Variants in CRB1 observed in about 807,000 individuals in gnomAD.
CRB1 encodes the protein crumbs cell polarity complex component 1, also known as protein crumbs homolog 1.
Under a neutral mutation model 120.0 loss-of-function variants are expected in CRB1, and 83 were observed. The ratio of observed to expected loss-of-function variants is 0.69; its 90% CI spans 0.58 to 0.83. The LOEUF (loss-of-function observed/expected upper bound fraction) is 0.83, where lower values mean the gene tolerates loss of function less well. Among genes scored for constraint, CRB1 ranks in the 40% least tolerant of loss-of-function variants. The pLI is 0.00. For missense variants in CRB1, 1,699 were observed against 1,687.6 expected, an observed-to-expected ratio of 1.01 and a Z score of -0.12; for synonymous variants, 625 against 612.5, an observed-to-expected ratio of 1.02 and a Z score of -0.30.
chr1:197,252,265 AT>A, the CRB1 span, among the ~76,000 whole-genome samples: 138 of 151,686 alleles, frequency 9.1e-4, no homozygotes, highest in East Asian at 0.025. Flanking sequence ...ATAGAATATT[AT>A]TTGATTTTTT....
chr1:197,339,994 AAT>A (rs1187259901), intron 2 of CRB1, among the ~76,000 whole-genome samples: 2 of 152,190 alleles, frequency 1.3e-5, no homozygotes, highest in African/African-American at 4.8e-5. Context: ...GCACTTTTTA[AAT>A]ATTCAAGAAT....
At chr1:197,226,342 C>G in the CRB1 span, among the ~76,000 whole-genome samples, 1 of 152,138 alleles carries the variant, frequency 6.6e-6, no homozygotes, top group African/African-American at 2.4e-5. Context: ...TACCTGAAGT[C>G]CAAAATTAAT....
At chr1:197,309,311 G>GACACAC (rs139719097) in intron 1 of CRB1, among the ~76,000 whole-genome samples, 11 of 150,638 alleles carry the variant, frequency 7.3e-5, no homozygotes, top group East Asian at 3.9e-4. Context: ...CGTCTTTGCT[G>GACACAC]ACACACACAC....
At chr1:197,398,104 T>C (rs1346161215) in intron 5 of CRB1, among the ~76,000 whole-genome samples, 1 of 152,128 alleles carries the variant, frequency 6.6e-6, no homozygotes, top group Non-Finnish European at 1.5e-5. Flanking sequence ...AGCAAAAACA[T>C]TCTGATTGCA....
At chr1:197,322,912 A>G (rs1448516754) in intron 1 of CRB1, among the ~76,000 whole-genome samples, 1 of 152,196 alleles carries the variant, frequency 6.6e-6, no homozygotes, top group African/African-American at 2.4e-5. Flanking sequence ...GACCTAGCAC[A>G]TATTAGATGC....
At chr1:197,288,081 C>T (rs1269678272) in intron 1 of CRB1, among the ~76,000 whole-genome samples, 1 of 151,808 alleles carries the variant, frequency 6.6e-6, no homozygotes, top group Non-Finnish European at 1.5e-5. Flanking sequence ...GAGACCCAGA[C>T]AGATGAAATT....
At chr1:197,429,060 A>G (rs1486209298) in intron 7 of CRB1, 2 of 1,495,682 alleles carry the variant, frequency 1.3e-6, no homozygotes, top group East Asian at 2.5e-5. Context: ...TCTGTGTAGG[A>G]TCTTGGGCAA....
At chr1:197,364,561 TC>T (rs1660961037) in intron 5 of CRB1, among the ~76,000 whole-genome samples, 1 of 152,144 alleles carries the variant, frequency 6.6e-6, no homozygotes, top group Non-Finnish European at 1.5e-5. Context: ...TTTCTGAGGC[TC>T]TGTTTTTATT....
chr1:197,330,690 C>T (rs1348875233), intron 2 of CRB1, among the ~76,000 whole-genome samples: 1 of 152,170 alleles, frequency 6.6e-6, no homozygotes, highest in Admixed American at 6.5e-5. Flanking sequence ...AATAATTCCA[C>T]ACTGCTGCAG....
Position 197,445,966 on chromosome 1 carries a change from G to A in CRB1, c.4005+3674G>A, listed in dbSNP as rs181191735. 2.2e-3 allele frequency among the ~76,000 whole-genome samples: 337 copies of A among 152,222 alleles called. 1 individual carries two copies. The highest frequency in any genetic ancestry group is 0.01 in the Middle Eastern group (3 of 294). On this transcript the variant is annotated intron_variant, in intron 11 of 11. Transcript: ENST00000367400. ...GCACTTTGGGAAGCCGAGGTGGGTG[G>A]ATGACCTGCAGTCAGGAGTTCAAGA...
At chr1:197,302,672 A>G (rs188295603) in intron 1 of CRB1, among the ~76,000 whole-genome samples, 1 of 152,320 alleles carries the variant, frequency 6.6e-6, no homozygotes, top group East Asian at 1.9e-4. Flanking sequence ...AAAATTCAGA[A>G]TAAAGTTGGC....
chr1:197,476,121 G>T (rs954323086), intron 11 of CRB1, among the ~76,000 whole-genome samples: 1 of 151,608 alleles, frequency 6.6e-6, no homozygotes, highest in Non-Finnish European at 1.5e-5. Flanking sequence ...TGTTGGCCAG[G>T]CTGGTCTCGA....
chr1:197,375,358 C>T (rs997505954), intron 5 of CRB1, among the ~76,000 whole-genome samples: 6 of 152,144 alleles, frequency 3.9e-5, no homozygotes, highest in Non-Finnish European at 1.5e-5. Context: ...GGATTTGCAT[C>T]ACAGCTGAGG....
At chr1:197,357,679 T>A (rs1403858940) in intron 5 of CRB1, 1 of 154,312 alleles carries the variant, frequency 6.5e-6, no homozygotes, top group Non-Finnish European at 1.4e-5. Flanking sequence ...TAGATCTCTA[T>A]CATATTTCTT....
intron 1 of CRB1, among the ~76,000 whole-genome samples, chr1:197,327,682 T>A (rs749278293): frequency 1.3e-5 from 2 of 152,186 alleles, no homozygotes; most frequent in Non-Finnish European, 2.9e-5. Context: ...AAATAATTGC[T>A]TATAGTAACT....
intron 1 of CRB1, among the ~76,000 whole-genome samples, chr1:197,277,816 G>T (rs1327448332): frequency 6.6e-6 from 1 of 151,662 alleles, no homozygotes; most frequent in Non-Finnish European, 1.5e-5. Context: ...TAAAATGAGG[G>T]GGTTATATTA....
At chr1:197,314,467 C>A (rs868819428) in intron 1 of CRB1, among the ~76,000 whole-genome samples, 11 of 152,080 alleles carry the variant, frequency 7.2e-5, no homozygotes, top group Non-Finnish European at 1.6e-4. Context: ...TTCTTGCAAG[C>A]TAATTTCAAC....
intron 11 of CRB1, among the ~76,000 whole-genome samples, chr1:197,449,400 A>G (rs1236075626): frequency 6.6e-6 from 1 of 151,974 alleles, no homozygotes; most frequent in Non-Finnish European, 1.5e-5. Context: ...GGAGTCTCGC[A>G]CTGTCGCCCA....
At chr1:197,364,805 C>T (rs1660973739) in intron 5 of CRB1, among the ~76,000 whole-genome samples, 1 of 152,004 alleles carries the variant, frequency 6.6e-6, no homozygotes. Flanking sequence ...TTTGTAATTG[C>T]TTTTTAAATC....
Sources: gnomAD v4.1 joint callset for allele counts (sites outside exome capture counted in the v4.1 genomes callset) on GRCh38, gnomAD v4.1.1 for gene constraint, MANE v1.5 for transcripts, NCBI Gene and HGNC (gene_info 2026-07-23, HGNC 2026-07-21) for gene names.